MTR: variants seen among roughly 807,000 people sequenced by gnomAD.
MTR encodes methionine synthase.
Under a neutral mutation model 154.8 loss-of-function variants are expected in MTR, and 84 were observed. The ratio of observed to expected loss-of-function variants is 0.54; its 90% CI spans 0.45 to 0.65. The LOEUF is 0.65. Among genes scored for constraint, MTR ranks in the 30% least tolerant of loss-of-function variants. The pLI, the probability that MTR is intolerant of heterozygous loss-of-function variation, is 0.00. For synonymous variants in MTR, 554 were observed against 553.9 expected, an observed-to-expected ratio of 1.00 and a Z score of 0.00; for missense variants, 1,275 against 1,570.2, an observed-to-expected ratio of 0.81 and a Z score of 3.18.
At chr1:236,829,372 C>T (rs976986633) in intron 12 of MTR, 104 bp downstream of exon 12, 32 of 947,126 alleles carry the variant, frequency 3.4e-5, no homozygotes, top group African/African-American at 9.7e-5. Context: ...CTTATTAGGT[C>T]GAAGAAGAAT....
chr1:236,797,630 T>C (rs1331220175), intron 1 of MTR, among the ~76,000 whole-genome samples: 1 of 151,956 alleles, frequency 6.6e-6, no homozygotes, highest in Non-Finnish European at 1.5e-5. Context: ...GGAAATAATA[T>C]ATATTAAAAA....
At position 236,897,896 on chromosome 1, in the gene MTR, C is replaced by G. The variant is rs1666755103; in HGVS notation, c.*252C>G. 1.9e-6 allele frequency: 1 copy of G among 519,044 alleles called. No homozygotes were observed. Among genetic ancestry groups the G allele is most frequent in the Non-Finnish European group, 3.4e-6 (1 of 291,890 alleles). The allele number at this position is 519,044 out of a possible 1,614,324, so 32.2% of individuals were successfully genotyped here. On this transcript the variant is annotated 3_prime_UTR_variant, in exon 33 of 33. Transcript: ENST00000366577. ...GCAGGGTTCCTGTGGTTTCCCTGGT[C>G]CCTCTGAGATGGGGACAGACTGAAG...
intron 9 of MTR, among the ~76,000 whole-genome samples, chr1:236,824,496 C>T (rs1032028953): frequency 3.9e-5 from 6 of 152,138 alleles, no homozygotes; most frequent in Non-Finnish European, 5.9e-5. Context: ...GCCTGGTGGA[C>T]GTGACCAGAA....
At chr1:236,887,309 G>A (rs777905320) in intron 27 of MTR, among the ~76,000 whole-genome samples, 1 of 152,156 alleles carries the variant, frequency 6.6e-6, no homozygotes, top group East Asian at 1.9e-4. Context: ...TTGGGAGCCT[G>A]GAGCTCGGGG....
At chr1:236,817,135 C>T (rs996739569) in intron 8 of MTR, among the ~76,000 whole-genome samples, 1 of 152,140 alleles carries the variant, frequency 6.6e-6, no homozygotes, top group South Asian at 2.1e-4. Flanking sequence ...AAATAACTCC[C>T]TATTTATATT....
chr1:236,811,347 T>C (rs1362881448), intron 5 of MTR, among the ~76,000 whole-genome samples: 1 of 152,186 alleles, frequency 6.6e-6, no homozygotes, highest in Non-Finnish European at 1.5e-5. Context: ...CATGTTAGCA[T>C]TATACATGTT....
In MTR at chr1:236,894,960, AATGAGGGT is replaced by A. The variant is rs1238610847; in HGVS notation, c.3406-396_3406-389del. On this transcript the variant is annotated intron_variant, in intron 30 of 32. Coordinates refer to ENST00000366577, the MANE Select transcript of MTR (RefSeq NM_000254.3). ...AGATTCTTCATCTTCCTCTGCATGG[AATGAGGGT>A]AGTAGCCTTTGCCCTGGGGAGAGCC... 4 of 353,400 alleles carry A rather than the reference AATGAGGGT, an allele frequency of 1.1e-5. No individual in the cohort carries two copies. The East Asian group carries it at 2.8e-4, about 25-fold the overall frequency. 21.9% of individuals were successfully genotyped at this position (353,400 alleles called of 1,614,324 possible).
chr1:236,808,390 T>G (rs1176143856), intron 3 of MTR, among the ~76,000 whole-genome samples: 1 of 152,210 alleles, frequency 6.6e-6, no homozygotes, highest in Non-Finnish European at 1.5e-5. Context: ...TTTATTTTTT[T>G]CTTAATTCTC....
chr1:236,877,502 A>G (rs1267931294), intron 24 of MTR, among the ~76,000 whole-genome samples: 3 of 152,122 alleles, frequency 2.0e-5, no homozygotes, highest in Non-Finnish European at 4.4e-5. Context: ...AAGTGGAGTC[A>G]TATTGTATGT....
intron 3 of MTR, among the ~76,000 whole-genome samples, chr1:236,808,083 T>C (rs978932754): frequency 2.0e-4 from 30 of 152,192 alleles, no homozygotes; most frequent in African/African-American, 7.2e-4. Flanking sequence ...AAGTCTAGTT[T>C]CTCCTGACTT....
Position 236,820,217 on chromosome 1 carries a change from G to T in MTR, c.764+3674G>T, listed in dbSNP as rs1282402561. 1.7e-5 allele frequency: 13 copies of T among 757,216 alleles called. No homozygotes were observed. In the African/African-American group the frequency reaches 2.0e-4, roughly 12 times the overall value. 46.9% of individuals were successfully genotyped at this position (757,216 alleles called of 1,614,324 possible). ...GGCACCATTTCCTGTGAACACTTGC[G>T]GGAGGTCATGCCTGATCTCTGCTTG... is the stretch of plus-strand genomic sequence containing the variant. On this transcript the variant is annotated intron_variant, in intron 8 of 32. Transcript: ENST00000366577.
At chr1:236,884,742 C>T (rs1480444442) in intron 25 of MTR, among the ~76,000 whole-genome samples, 2 of 152,144 alleles carry the variant, frequency 1.3e-5, no homozygotes, top group African/African-American at 4.8e-5. Flanking sequence ...GTTCAGTCTT[C>T]AGTCCCTGCA....
intron 32 of MTR, 58 bp downstream of exon 32, chr1:236,897,176 T>A (rs1284295867): frequency 2.4e-6 from 3 of 1,254,566 alleles, no homozygotes; most frequent in Non-Finnish European, 3.5e-6. Flanking sequence ...TTCTAGAACC[T>A]CTCTCATTTT....
At chr1:236,838,279 T>C in intron 14 of MTR, 135 bp from the exon 15 acceptor site, 1 of 885,654 alleles carries the variant, frequency 1.1e-6, no homozygotes, top group Non-Finnish European at 1.8e-6. Context: ...TATATTAAAA[T>C]TCTATCTCTG....
Position 236,824,133 on chromosome 1 carries a change from G to A in MTR, c.779G>A (p.Cys260Tyr). The A allele has an allele frequency of 6.2e-7, 1 of 1,613,800 alleles. No homozygotes were observed. The highest frequency in any genetic ancestry group is 8.5e-7 in the Non-Finnish European group (1 of 1,179,790). ...TGTTTTTCTAGCATTGGATTAAATTGTGCTTTGGGTGCAGCTGAAATGAGA... is the reference window on the plus strand; with the variant it reads ...TGTTTTTCTAGCATTGGATTAAATTATGCTTTGGGTGCAGCTGAAATGAGA... ...HGEPLCIGLN[C>Y]ALGAAEMRPF... Residue 260 changes from cysteine to tyrosine, a missense_variant, in exon 9 of 33, where the codon TGT becomes TAT. By Grantham distance (194) the Cys-to-Tyr change is radical. Transcript: ENST00000366577.
chr1:236,871,179 G>A (rs1665107539), intron 22 of MTR, among the ~76,000 whole-genome samples: 1 of 152,082 alleles, frequency 6.6e-6, no homozygotes, highest in Non-Finnish European at 1.5e-5. Context: ...GAAGCTTCCC[G>A]GACCCCACCC....
At chr1:236,862,535 A>G (rs1374728139) in intron 21 of MTR, among the ~76,000 whole-genome samples, 192 bp downstream of exon 21, 1 of 152,218 alleles carries the variant, frequency 6.6e-6, no homozygotes, top group Non-Finnish European at 1.5e-5. Flanking sequence ...ATGTAGCTTT[A>G]TAACATTTTT....
Position 236,895,388 on chromosome 1 carries a change from C to A in MTR, c.3436C>A (p.Arg1146Ser). The change falls in exon 31 of 33, where the codon CGC (arginine) becomes AGC (serine). Residue 1146 changes from arginine to serine, a missense_variant. Arg to Ser is a moderately radical substitution (Grantham distance 110). Coordinates refer to ENST00000366577, the MANE Select transcript of MTR (RefSeq NM_000254.3). ...TGCAGAAGAGCTCCATGAAAGAGTT[C>A]GCCGAGAACTGTGGGCCTACTGTGG... The part of the protein sequence containing the change: ...AFAEELHERV[R>S]RELWAYCGSE... 1 of 1,603,432 alleles carries A rather than the reference C, an allele frequency of 6.2e-7. No individual in the cohort carries two copies. The highest frequency in any genetic ancestry group is 1.1e-5 in the South Asian group (1 of 88,974).
intron 1 of MTR, among the ~76,000 whole-genome samples, chr1:236,801,499 G>A (rs73119857): frequency 0.083 from 12,711 of 152,236 alleles, 1,175 homozygotes; most frequent in African/African-American, 0.23. Context: ...ACAGTAAGAC[G>A]AGGCAGGGTT....
Sources: allele counts gnomAD v4.1 joint callset (sites outside exome capture counted in the v4.1 genomes callset), GRCh38; gene constraint gnomAD v4.1.1; transcripts MANE v1.5; gene names NCBI Gene and HGNC (gene_info 2026-07-23, HGNC 2026-07-21).